Variants in GLIS3 observed in about 807,000 individuals in gnomAD.
The protein encoded by GLIS3 is zinc finger protein GLIS3.
Under a neutral mutation model 78.6 loss-of-function variants are expected in GLIS3, and 53 were observed. That is an observed-to-expected ratio of 0.67 (90% confidence interval 0.54 to 0.85). The LOEUF is 0.85. Among genes scored for constraint, GLIS3 ranks in the 40% least tolerant of loss-of-function variants. The pLI is 0.00. For missense variants in GLIS3, 1,703 were observed against 1,231.1 expected (o/e 1.38, Z -5.74); for synonymous variants, 684 against 509.9 (o/e 1.34, Z -4.60).
intron 4 of GLIS3, among the ~76,000 whole-genome samples, chr9:4,307,456 C>T (rs1285225645): frequency 2.6e-5 from 4 of 152,148 alleles, no homozygotes. Context: ...TTTATCTCCA[C>T]AGGATGACCT....
intron 1 of GLIS3, among the ~76,000 whole-genome samples, chr9:4,347,623 T>C (rs1202982250): frequency 6.6e-6 from 1 of 152,214 alleles, no homozygotes; most frequent in African/African-American, 2.4e-5. Context: ...CTCACATAAC[T>C]CACTAATAAT....
the GLIS3 span, among the ~76,000 whole-genome samples, chr9:4,359,660 A>G: frequency 2.6e-5 from 4 of 152,332 alleles, no homozygotes; most frequent in African/African-American, 7.2e-5. Flanking sequence ...ATTTAATTTT[A>G]GAACTAAAAT....
chr9:4,236,401 G>T (rs1460020919), intron 2 of GLIS3, among the ~76,000 whole-genome samples: 6 of 152,210 alleles, frequency 3.9e-5, no homozygotes, highest in African/African-American at 1.4e-4. Flanking sequence ...CAATACTTAA[G>T]AATTCCCACT....
chr9:3,918,543 A>C (rs1824667788), intron 6 of GLIS3, among the ~76,000 whole-genome samples: 1 of 152,220 alleles, frequency 6.6e-6, no homozygotes, highest in South Asian at 2.1e-4. Flanking sequence ...AACTGGCATA[A>C]GAAAATGATG....
chr9:4,160,259 C>A (rs1425087726), intron 2 of GLIS3, among the ~76,000 whole-genome samples: 1 of 152,182 alleles, frequency 6.6e-6, no homozygotes, highest in Non-Finnish European at 1.5e-5. Flanking sequence ...TCAGAATAAC[C>A]TCCAGTGGTG....
At chr9:3,932,711 C>A in intron 5 of GLIS3, 1 of 469,312 alleles carries the variant, frequency 2.1e-6, no homozygotes, top group South Asian at 1.9e-5. Flanking sequence ...TAAGAGATTG[C>A]TTTAGTGTGT....
rs1432308326 is a variant in GLIS3 at position 4,188,363 on chromosome 9, A to T, written c.389-62422T>A. Among the ~76,000 whole-genome samples the T allele has an allele frequency of 3.0e-3, 440 of 148,964 alleles. 1 individual carries two copies. Among genetic ancestry groups the T allele is most frequent in the African/African-American group, 9.0e-3 (365 of 40,504 alleles). On this transcript the variant is annotated intron_variant, in intron 2 of 10. Coordinates refer to ENST00000381971, the MANE Select transcript of GLIS3 (RefSeq NM_001042413.2). ...GATGAAGCCCACTTGATCATGGTGG[A>T]TAAGCTTTTTGATGTGCTGCTGGAT...
At chr9:4,371,229 C>T in the GLIS3 span, among the ~76,000 whole-genome samples, 7 of 152,200 alleles carry the variant, frequency 4.6e-5, no homozygotes, top group Non-Finnish European at 1.0e-4. Flanking sequence ...GCTGATTCAG[C>T]GCTTGCTCAG....
At chr9:3,901,855 G>C (rs1823328917) in intron 6 of GLIS3, among the ~76,000 whole-genome samples, 1 of 152,146 alleles carries the variant, frequency 6.6e-6, no homozygotes, top group African/African-American at 2.4e-5. Context: ...CCTAATACAT[G>C]CCGTGTAAGA....
rs989564860 is a variant in GLIS3, at chr9:3,977,549, C to A, written c.1711-40360G>T. ...AGCCCATCAAAACAGCAGATATATA[C>A]CCTGCTCAGATGTGCTGTATGGGAT... On this transcript the variant is annotated intron_variant, in intron 4 of 10. Coordinates refer to ENST00000381971, the MANE Select transcript of GLIS3 (RefSeq NM_001042413.2). The surrounding 1 kb of genome is among the most constrained non-coding windows in gnomAD (Gnocchi z 4.1). Among the ~76,000 whole-genome samples, 1 of 152,148 alleles carries A rather than the reference C, an allele frequency of 6.6e-6. No homozygotes were observed. The highest frequency in any genetic ancestry group is 2.4e-5 in the African/African-American group (1 of 41,424).
At chr9:3,843,250 C>T (rs1303314483) in intron 9 of GLIS3, among the ~76,000 whole-genome samples, 1 of 152,188 alleles carries the variant, frequency 6.6e-6, no homozygotes, top group Non-Finnish European at 1.5e-5. Flanking sequence ...ACACAAATTT[C>T]CAGCACTCTA....
chr9:4,212,490 A>G (rs951407991), intron 2 of GLIS3, among the ~76,000 whole-genome samples: 2 of 152,222 alleles, frequency 1.3e-5, no homozygotes, highest in African/African-American at 4.8e-5. Flanking sequence ...TGAGGGTTAC[A>G]GACACATAAG....
chr9:3,876,348 C>G (rs906099266), intron 8 of GLIS3, among the ~76,000 whole-genome samples: 1 of 151,618 alleles, frequency 6.6e-6, no homozygotes, highest in Non-Finnish European at 1.5e-5. Flanking sequence ...CTGTGAGATC[C>G]CTATTAGATC....
At chr9:3,945,509 C>A (rs1816231989) in intron 4 of GLIS3, among the ~76,000 whole-genome samples, 1 of 152,070 alleles carries the variant, frequency 6.6e-6, no homozygotes, top group African/African-American at 2.4e-5. Context: ...ACCTTTCCTG[C>A]ATTCATAATG....
In GLIS3 at chr9:4,286,523, C is replaced by G; in HGVS notation, c.-98G>C. On this transcript the variant is annotated splice_region_variant and 5_prime_UTR_variant, in exon 2 of 11. Coordinates refer to ENST00000381971, the MANE Select transcript of GLIS3 (RefSeq NM_001042413.2). ...AGTTATCCATGGTGTGGGTTATAAG[C>G]CTGTTTAAAAAAATAAACGCAGGCA... 2 of 1,442,204 alleles carry G rather than the reference C, an allele frequency of 1.4e-6. No individual in the cohort carries two copies. Among genetic ancestry groups the G allele is most frequent in the Non-Finnish European group, 1.9e-6 (2 of 1,044,002 alleles). 89.3% of individuals were successfully genotyped at this position (1,442,204 alleles called of 1,614,324 possible).
At chr9:4,095,388 T>G (rs909203948) in intron 4 of GLIS3, among the ~76,000 whole-genome samples, 1 of 152,196 alleles carries the variant, frequency 6.6e-6, no homozygotes, top group Admixed American at 6.5e-5. Flanking sequence ...ACAAATTATA[T>G]GTACTATAAC....
chr9:3,876,692 AG>A (rs753186881), intron 8 of GLIS3, among the ~76,000 whole-genome samples: 51 of 300 alleles, frequency 0.17, no homozygotes, highest in African/African-American at 0.27. Context: ...GAAGGGAGGG[AG>A]GGGAGGGAGG....
chr9:4,475,918 T>C, the GLIS3 span, among the ~76,000 whole-genome samples: 1 of 152,176 alleles, frequency 6.6e-6, no homozygotes, highest in Non-Finnish European at 1.5e-5. Flanking sequence ...TTGTCTGTTT[T>C]ATTTTTTTGA....
chr9:3,983,078 C>A (rs1378876133), intron 4 of GLIS3, among the ~76,000 whole-genome samples: 1 of 152,198 alleles, frequency 6.6e-6, no homozygotes, highest in Non-Finnish European at 1.5e-5. Flanking sequence ...TGAATTATAA[C>A]TCCCATAACT....
Sources: gnomAD v4.1 joint callset for allele counts (sites outside exome capture counted in the v4.1 genomes callset) on GRCh38, gnomAD v4.1.1 for gene constraint, Gnocchi (gnomAD v3.1) non-coding constraint, MANE v1.5 for transcripts, NCBI Gene and HGNC (gene_info 2026-07-23, HGNC 2026-07-21) for gene names.